Variants in MINDY4 observed in about 807,000 individuals in gnomAD.
The protein encoded by MINDY4 is MINDY lysine 48 deubiquitinase 4.
Under a neutral mutation model 87.0 loss-of-function variants are expected in MINDY4, and 68 were observed. The ratio of observed to expected loss-of-function variants is 0.78; its 90% CI spans 0.64 to 0.96. The LOEUF (loss-of-function observed/expected upper bound fraction) is 0.96, where lower values mean the gene tolerates loss of function less well. Among genes scored for constraint, MINDY4 ranks in the 40% least tolerant of loss-of-function variants. The pLI is 0.00. For missense variants in MINDY4, 919 were observed against 928.2 expected, an observed-to-expected ratio of 0.99 and a Z score of 0.13; for synonymous variants, 379 against 363.2, an observed-to-expected ratio of 1.04 and a Z score of -0.50.
chr7:30,887,771 G>A (rs1182583752), intron 17 of MINDY4, among the ~76,000 whole-genome samples: 1 of 152,242 alleles, frequency 6.6e-6, no homozygotes, highest in Non-Finnish European at 1.5e-5. Context: ...TGGCCTGGGT[G>A]CTGACGGGGA....
chr7:30,836,903 G>GGGTCTTCAGAGGCCCT, intron 7 of MINDY4, 139 bp downstream of exon 7: 1 of 666,946 alleles, frequency 1.5e-6, no homozygotes, highest in Non-Finnish European at 2.6e-6. Context: ...GTGTGATGTA[G>GGGTCTTCAGAGGCCCT]AAGAAAATGT....
intron 16 of MINDY4, 133 bp from the exon 17 acceptor site, chr7:30,882,787 AG>A: frequency 1.4e-6 from 1 of 727,728 alleles, no homozygotes; most frequent in Non-Finnish European, 2.4e-6. Context: ...GTCAGGGATG[AG>A]GGTGGGTCCA....
intron 9 of MINDY4, 115 bp from the exon 10 acceptor site, chr7:30,850,339 C>A: frequency 1.0e-6 from 1 of 969,850 alleles, no homozygotes; most frequent in Non-Finnish European, 1.6e-6. Flanking sequence ...CCTCTGCAGG[C>A]CAGAGAAAGA....
chr7:30,875,735 G>T, intron 15 of MINDY4, 79 bp downstream of exon 15: 2 of 1,469,520 alleles, frequency 1.4e-6, no homozygotes, highest in Admixed American at 2.0e-5. Flanking sequence ...GGGAAGGAAA[G>T]CTGGACTCCA....
rs577494795 is a variant in MINDY4, at chr7:30,820,002, C to T, written c.1074-8677C>T. Among the ~76,000 whole-genome samples the T allele has an allele frequency of 8.2e-5, 12 of 145,778 alleles. No homozygotes were observed. The South Asian group carries it at 1.1e-3, about 13-fold the overall frequency. On this transcript the variant is annotated intron_variant, in intron 5 of 17. Transcript: ENST00000265299. ...CTGCAAGCTCCGCCTCCTGGGTTCA[C>T]GCCATTCTCCTGCCTCAGCCTCCCA...
In MINDY4 at chr7:30,872,303, A is replaced by C; in HGVS notation, c.1806A>C (p.Thr602=). 6.2e-7 allele frequency: 1 copy of C among 1,614,044 alleles called. No homozygotes were observed. Among genetic ancestry groups the C allele is most frequent in the Non-Finnish European group, 8.5e-7 (1 of 1,179,968 alleles). ...SHLIGAHGYC[T]QELVNLLLTG... The stretch of plus-strand genomic sequence containing the variant: ...TGATTGGAGCACATGGCTACTGTAC[A>C]CAGGTCAGGGGGCGCTGTGGGGCCC... The change falls in exon 14 of 18, where the codon ACA becomes ACC. Residue 602 remains threonine (T), a synonymous_variant. Coordinates refer to ENST00000265299, the MANE Select transcript of MINDY4 (RefSeq NM_032222.3).
intron 17 of MINDY4, among the ~76,000 whole-genome samples, chr7:30,886,803 A>T (rs903634667): frequency 6.6e-6 from 1 of 152,072 alleles, no homozygotes; most frequent in African/African-American, 2.4e-5. Flanking sequence ...GTCTCCTGTT[A>T]CCTTTGCTTG....
intron 6 of MINDY4, among the ~76,000 whole-genome samples, chr7:30,832,040 C>T (rs1788720791): frequency 6.6e-6 from 1 of 152,278 alleles, no homozygotes; most frequent in South Asian, 2.1e-4. Context: ...GGGCCCGAGG[C>T]CTGCTATATG....
At chr7:30,866,474 G>A (rs1666739466) in intron 13 of MINDY4, among the ~76,000 whole-genome samples, 1 of 152,148 alleles carries the variant, frequency 6.6e-6, no homozygotes, top group South Asian at 2.1e-4. Context: ...GTCATTTAGG[G>A]GCACAGTTGC....
intron 9 of MINDY4, among the ~76,000 whole-genome samples, chr7:30,845,974 C>T (rs183550668): frequency 2.6e-5 from 4 of 152,290 alleles, no homozygotes; most frequent in Admixed American, 2.0e-4. Context: ...ATGAAGAGCT[C>T]TTGATCCCCC....
At chr7:30,882,082 G>A in intron 15 of MINDY4, 99 bp from the exon 16 acceptor site, 1 of 1,156,000 alleles carries the variant, frequency 8.7e-7, no homozygotes. Context: ...TCTTCAGCAG[G>A]GCCTCTCTGA....
At position 30,838,415 on chromosome 7, in the gene MINDY4, T is replaced by C. The variant is rs368385065; in HGVS notation, c.1240-785T>C. Among the ~76,000 whole-genome samples the C allele has an allele frequency of 4.6e-5, 7 of 152,142 alleles. No homozygotes were observed. In the East Asian group the frequency reaches 9.6e-4, roughly 21 times the overall value. ...CTCATGGGCGGCATCACAGAGGAGGTTCTTACGCATGGTAGAGAGTTGTAC... is the reference window on the plus strand; with the variant it reads ...CTCATGGGCGGCATCACAGAGGAGGCTCTTACGCATGGTAGAGAGTTGTAC... On this transcript the variant is annotated intron_variant, in intron 7 of 17. Coordinates refer to ENST00000265299, the MANE Select transcript of MINDY4 (RefSeq NM_032222.3).
intron 5 of MINDY4, among the ~76,000 whole-genome samples, chr7:30,813,028 C>T (rs1788049392): frequency 6.6e-6 from 1 of 152,224 alleles, no homozygotes; most frequent in Admixed American, 6.5e-5. Context: ...GAAGGGGTTG[C>T]TGTCTGTAGG....
chr7:30,849,097 GTAGGTCAC>G (rs1789318248), intron 9 of MINDY4, among the ~76,000 whole-genome samples: 2 of 152,204 alleles, frequency 1.3e-5, no homozygotes, highest in African/African-American at 4.8e-5. Context: ...CAGCCTAGGT[GTAGGTCAC>G]TGGCTATGTG....
chr7:30,776,506 A>G (rs1354205203), intron 1 of MINDY4, among the ~76,000 whole-genome samples: 1 of 152,022 alleles, frequency 6.6e-6, no homozygotes, highest in Non-Finnish European at 1.5e-5. Context: ...TTTTTTCCCC[A>G]TATCATACTA....
intron 15 of MINDY4, among the ~76,000 whole-genome samples, chr7:30,881,583 C>T (rs1158023348): frequency 2.0e-5 from 3 of 152,204 alleles, no homozygotes; most frequent in Non-Finnish European, 4.4e-5. Flanking sequence ...CATTTACTTA[C>T]CCCGGGCTCC....
intron 3 of MINDY4, among the ~76,000 whole-genome samples, chr7:30,784,193 TG>T (rs969211450): frequency 6.6e-6 from 1 of 152,196 alleles, no homozygotes; most frequent in Non-Finnish European, 1.5e-5. Context: ...ACTACCTGGC[TG>T]GGAAGTGAAA....
intron 1 of MINDY4, among the ~76,000 whole-genome samples, chr7:30,774,751 T>TAGATGGTAATTACA (rs1396841547): frequency 4.6e-5 from 7 of 151,956 alleles, no homozygotes; most frequent in African/African-American, 1.7e-4. Flanking sequence ...CCTCTTAGCT[T>TAGATGGTAATTACA]TCCTCCTACT....
intron 17 of MINDY4, 41 bp downstream of exon 17, chr7:30,883,034 T>G: frequency 6.3e-7 from 1 of 1,597,082 alleles, no homozygotes; most frequent in Non-Finnish European, 8.6e-7. Context: ...TCACCCTGAA[T>G]AGCTTTGAGG....
Sources: allele counts gnomAD v4.1 joint callset (sites outside exome capture counted in the v4.1 genomes callset), GRCh38; gene constraint gnomAD v4.1.1; transcripts MANE v1.5; gene names NCBI Gene and HGNC (gene_info 2026-07-23, HGNC 2026-07-21).